ERO1B: variants seen among roughly 807,000 people sequenced by gnomAD.
ERO1B encodes endoplasmic reticulum oxidoreductase 1 beta, also known as ERO1-like protein beta.
Under a neutral mutation model 75.3 loss-of-function variants are expected in ERO1B, and 49 were observed. The ratio of observed to expected loss-of-function variants is 0.65; its 90% CI spans 0.52 to 0.83. The LOEUF (loss-of-function observed/expected upper bound fraction) is 0.83, where lower values mean the gene tolerates loss of function less well. ERO1B is among the 40% of genes least tolerant of loss of function. ERO1B has a pLI of 0.00. For synonymous variants in ERO1B, 191 were observed against 192.9 expected (o/e 0.99, Z 0.08); for missense variants, 512 against 560.1 (o/e 0.91, Z 0.87).
chr1:236,215,515 G>C lies in ERO1B; in HGVS notation c.*3001C>G, dbSNP rs1431836980. On this transcript the variant is annotated 3_prime_UTR_variant, in exon 16 of 16. Transcript: ENST00000354619. Reference sequence around the variant, plus strand: ...CAATCAAATTCTCATGCCATAAAAAGAAACACTTAAAATAGCGGGGAAAAA... The same window carrying C: ...CAATCAAATTCTCATGCCATAAAAACAAACACTTAAAATAGCGGGGAAAAA... The C allele has an allele frequency of 1.3e-5, 2 of 152,042 alleles. No individual in the cohort carries two copies. The highest frequency in any genetic ancestry group is 2.9e-5 in the Non-Finnish European group (2 of 68,000). 9.4% of individuals were successfully genotyped at this position (152,042 alleles called of 1,614,324 possible).
At chr1:236,263,155 C>T (rs534865921) in intron 2 of ERO1B, among the ~76,000 whole-genome samples, 1 of 152,308 alleles carries the variant, frequency 6.6e-6, no homozygotes, top group African/African-American at 2.4e-5. Flanking sequence ...AGCTCTTGTA[C>T]ACTTATCACT....
At chr1:236,232,894 C>T (rs770025493) in intron 8 of ERO1B, 55 bp from the exon 9 acceptor site, 139 of 1,431,880 alleles carry the variant, frequency 9.7e-5, no homozygotes, top group Non-Finnish European at 1.3e-4. Context: ...TAGCTCAGAT[C>T]CCAATACTAT....
intron 13 of ERO1B, among the ~76,000 whole-genome samples, chr1:236,223,655 G>T (rs1282764171): frequency 6.6e-6 from 1 of 152,136 alleles, no homozygotes; most frequent in Non-Finnish European, 1.5e-5. Flanking sequence ...TTAAAAGCTT[G>T]CTGTGAGACA....
intron 2 of ERO1B, among the ~76,000 whole-genome samples, chr1:236,265,561 T>C (rs1177149115): frequency 2.6e-5 from 4 of 152,224 alleles, no homozygotes; most frequent in Non-Finnish European, 5.9e-5. Flanking sequence ...AAATCTGTAT[T>C]GTTTTTATCT....
chr1:236,246,764 A>G (rs1664896393), intron 5 of ERO1B, among the ~76,000 whole-genome samples: 1 of 152,210 alleles, frequency 6.6e-6, no homozygotes, highest in Admixed American at 6.5e-5. Flanking sequence ...ACACATGGTA[A>G]TCTGGACAGC....
intron 9 of ERO1B, among the ~76,000 whole-genome samples, chr1:236,231,336 G>C (rs149360011): frequency 8.3e-4 from 127 of 152,224 alleles, no homozygotes; most frequent in Non-Finnish European, 1.4e-3. Flanking sequence ...GTAAGTTCAA[G>C]AGATTTATTG....
chr1:236,265,988 C>G (rs1213700098), intron 2 of ERO1B, among the ~76,000 whole-genome samples: 2 of 152,234 alleles, frequency 1.3e-5, no homozygotes, highest in Non-Finnish European at 2.9e-5. Flanking sequence ...CTCTCCCACC[C>G]TCCAATTCCC....
At chr1:236,263,123 T>A (rs1665329858) in intron 2 of ERO1B, among the ~76,000 whole-genome samples, 1 of 152,154 alleles carries the variant, frequency 6.6e-6, no homozygotes. Flanking sequence ...AAACTGTTGT[T>A]CCCAAGAGTA....
At position 236,220,954 on chromosome 1, in the gene ERO1B, T is replaced by C. The variant is rs1339060908; in HGVS notation, c.1221A>G (p.Leu407=). 6.4e-7 allele frequency: 1 copy of C among 1,560,802 alleles called. No homozygotes were observed. The highest frequency in any genetic ancestry group is 8.6e-7 in the Non-Finnish European group (1 of 1,159,206). The stretch of plus-strand genomic sequence containing the variant: ...AGAATAATATCTTCAGGGCAGTTCC[T>C]AAACCCTGAGTCTAAAGAAAATAGC... ...RLWGKLQTQG[L]GTALKILFSE... The change falls in exon 15 of 16, where the codon TTA becomes TTG. Residue 407 remains leucine (L), a synonymous_variant. Transcript: ENST00000354619.
intron 12 of ERO1B, 106 bp downstream of exon 12, chr1:236,226,163 C>T (rs1664272381): frequency 9.1e-7 from 1 of 1,094,534 alleles, no homozygotes; most frequent in Non-Finnish European, 1.3e-6. Flanking sequence ...TTCTGTTCTA[C>T]ATCTCCCCTC....
At chr1:236,242,010 G>A (rs548726134) in intron 6 of ERO1B, among the ~76,000 whole-genome samples, 13 of 151,024 alleles carry the variant, frequency 8.6e-5, no homozygotes, top group Non-Finnish European at 1.6e-4. Context: ...GGAGCTTGCA[G>A]TGAGCCGAGA....
At chr1:236,255,474 C>T (rs1002491339) in intron 2 of ERO1B, among the ~76,000 whole-genome samples, 5 of 152,090 alleles carry the variant, frequency 3.3e-5, no homozygotes, top group African/African-American at 9.7e-5. Context: ...GCGCCTCCTA[C>T]CATAAGGATC....
At chr1:236,236,801 T>A (rs975211365) in intron 6 of ERO1B, among the ~76,000 whole-genome samples, 1 of 152,202 alleles carries the variant, frequency 6.6e-6, no homozygotes, top group Non-Finnish European at 1.5e-5. Context: ...ACCACGCACT[T>A]GGAAACATTT....
intron 13 of ERO1B, among the ~76,000 whole-genome samples, chr1:236,223,392 G>A (rs1179169298): frequency 6.6e-6 from 1 of 152,020 alleles, no homozygotes; most frequent in African/African-American, 2.4e-5. Flanking sequence ...TTGCATTGAG[G>A]GAAATATTTT....
chr1:236,266,813 T>C lies in ERO1B; in HGVS notation c.222+3062A>G, dbSNP rs115632339. On this transcript the variant is annotated intron_variant, in intron 2 of 15. Transcript: ENST00000354619. The stretch of plus-strand genomic sequence containing the variant: ...TATCCTAGAGTTAGAGCTGAATGCA[T>C]TAACTAGATCATGGCATTAACCCTC... Among the ~76,000 whole-genome samples the C allele has an allele frequency of 6.3e-3, 956 of 152,300 alleles. 10 individuals are homozygous for C. The highest frequency in any genetic ancestry group is 0.022 in the African/African-American group (916 of 41,548).
In ERO1B at chr1:236,215,481, C is replaced by T. The variant is rs906476489; in HGVS notation, c.*3035G>A. On this transcript the variant is annotated 3_prime_UTR_variant, in exon 16 of 16. Transcript: ENST00000354619. ...TTATAAATACATTTTCTCCCTTCTCCACAGGTTACAATCAAATTCTCATGC... is the reference window on the plus strand; with the variant it reads ...TTATAAATACATTTTCTCCCTTCTCTACAGGTTACAATCAAATTCTCATGC... 6.6e-6 allele frequency: 1 copy of T among 152,228 alleles called. No individual in the cohort carries two copies. The allele number at this position is 152,228 out of a possible 1,614,324, so 9.4% of individuals were successfully genotyped here.
intron 3 of ERO1B, among the ~76,000 whole-genome samples, chr1:236,252,702 G>A (rs1749586): frequency 0.25 from 37,628 of 151,868 alleles, 4,814 homozygotes; most frequent in East Asian, 0.38. Flanking sequence ...AACTTTAAAC[G>A]AAATACTTAA....
chr1:236,248,803 T>C (rs1664946558), intron 5 of ERO1B, among the ~76,000 whole-genome samples: 1 of 152,176 alleles, frequency 6.6e-6, no homozygotes, highest in African/African-American at 2.4e-5. Flanking sequence ...GAATACAGCA[T>C]AAGGGATTTT....
At chr1:236,240,363 G>A (rs1664670212) in intron 6 of ERO1B, among the ~76,000 whole-genome samples, 1 of 152,022 alleles carries the variant, frequency 6.6e-6, no homozygotes, top group African/African-American at 2.4e-5. Flanking sequence ...GAACAACTTA[G>A]TGTGCAAGCT....
Sources: allele counts gnomAD v4.1 joint callset (sites outside exome capture counted in the v4.1 genomes callset), GRCh38; gene constraint gnomAD v4.1.1; transcripts MANE v1.5; gene names NCBI Gene and HGNC (gene_info 2026-07-23, HGNC 2026-07-21).